Variants in ABTB2 observed in about 807,000 individuals in gnomAD.
The protein encoded by ABTB2 is ankyrin repeat and BTB/POZ domain-containing protein 2.
In ABTB2, 56 loss-of-function variants were observed where a neutral mutation model predicts 104.1. That is an observed-to-expected ratio of 0.54 (90% confidence interval 0.43 to 0.67). The LOEUF (loss-of-function observed/expected upper bound fraction) is 0.67, where lower values mean the gene tolerates loss of function less well. Ranked by LOEUF, ABTB2 falls within the 30% of genes least tolerant of loss-of-function variation. ABTB2 has a pLI of 0.00. For synonymous variants in ABTB2, 606 were observed against 608.2 expected, an observed-to-expected ratio of 1.00 and a Z score of 0.05; for missense variants, 1,279 against 1,407.7, an observed-to-expected ratio of 0.91 and a Z score of 1.46.
In ABTB2 at chr11:34,230,346, G is replaced by A. The variant is rs973519862; in HGVS notation, c.884-25656C>T. On this transcript the variant is annotated intron_variant, in intron 1 of 16. Coordinates refer to ENST00000435224, the MANE Select transcript of ABTB2 (RefSeq NM_145804.3). ...CAGCTCAGTGAGGGAGAATTTGAGG[G>A]TTGTACCTGGGTTTGAATGAGGGGT... 3.3e-5 allele frequency among the ~76,000 whole-genome samples: 5 copies of A among 152,304 alleles called. 1 individual carries two copies. In the South Asian group the frequency reaches 6.2e-4, roughly 19 times the overall value.
intron 1 of ABTB2, among the ~76,000 whole-genome samples, chr11:34,311,323 T>C (rs1854850547): frequency 6.6e-6 from 1 of 152,236 alleles, no homozygotes; most frequent in South Asian, 2.1e-4. Context: ...ATTTATCTGC[T>C]GGCAAGAAAT....
intron 1 of ABTB2, among the ~76,000 whole-genome samples, chr11:34,233,305 G>GAAATGGCA (rs1410344927): frequency 6.7e-6 from 1 of 148,494 alleles, no homozygotes; most frequent in Non-Finnish European, 1.5e-5. Context: ...AGGCAGAAGG[G>GAAATGGCA]AAATGGCATG....
At chr11:34,238,230 T>TC (rs1318672268) in intron 1 of ABTB2, among the ~76,000 whole-genome samples, 25 of 152,292 alleles carry the variant, frequency 1.6e-4, no homozygotes, top group Non-Finnish European at 2.4e-4. Flanking sequence ...AGTATTCCTT[T>TC]CCCCTGGCAT....
intron 1 of ABTB2, among the ~76,000 whole-genome samples, chr11:34,318,346 G>A (rs1391537223): frequency 6.6e-6 from 1 of 152,098 alleles, no homozygotes; most frequent in Non-Finnish European, 1.5e-5. Context: ...TCCCATTTAT[G>A]AGAACATGTG....
chr11:34,229,204 C>T (rs558881544), intron 1 of ABTB2, among the ~76,000 whole-genome samples: 10 of 151,298 alleles, frequency 6.6e-5, no homozygotes, highest in East Asian at 1.9e-4. Context: ...TTATTCTGGC[C>T]GGGTGCGGTG....
At chr11:34,172,390 A>AT (rs1565131571) in intron 4 of ABTB2, among the ~76,000 whole-genome samples, 16 of 53,356 alleles carry the variant, frequency 3.0e-4, no homozygotes, top group African/African-American at 6.5e-4. Context: ...AAAAAAAAAA[A>AT]AAAAAATATA....
At chr11:34,263,221 T>C (rs1854209311) in intron 1 of ABTB2, among the ~76,000 whole-genome samples, 1 of 151,956 alleles carries the variant, frequency 6.6e-6, no homozygotes, top group African/African-American at 2.4e-5. Context: ...GAGTGTTTGG[T>C]CTTACGTGTG....
intron 1 of ABTB2, among the ~76,000 whole-genome samples, chr11:34,213,657 C>T (rs1853513536): frequency 6.6e-6 from 1 of 152,170 alleles, no homozygotes; most frequent in African/African-American, 2.4e-5. Flanking sequence ...TGCTACATTG[C>T]TGTTTAATTT....
intron 1 of ABTB2, among the ~76,000 whole-genome samples, chr11:34,324,881 C>A (rs147897627): frequency 6.6e-6 from 1 of 152,232 alleles, no homozygotes; most frequent in African/African-American, 2.4e-5. Flanking sequence ...TACTGGAGTG[C>A]CCGTGGCAGA....
intron 1 of ABTB2, among the ~76,000 whole-genome samples, chr11:34,236,130 T>C (rs373489690): frequency 4.6e-5 from 7 of 152,216 alleles, no homozygotes; most frequent in East Asian, 1.9e-4. Flanking sequence ...ATATTCTTGT[T>C]GGCAGAGGGA....
At chr11:34,319,304 T>C (rs1225862797) in intron 1 of ABTB2, among the ~76,000 whole-genome samples, 2 of 152,240 alleles carry the variant, frequency 1.3e-5, no homozygotes, top group African/African-American at 4.8e-5. Flanking sequence ...CCCTTTGTGA[T>C]AAAGTCAGAA....
intron 1 of ABTB2, among the ~76,000 whole-genome samples, chr11:34,224,171 C>A (rs1472806640): frequency 6.6e-6 from 1 of 152,122 alleles, no homozygotes; most frequent in Non-Finnish European, 1.5e-5. Flanking sequence ...TGCCACCACA[C>A]CCAGCTAATT....
At position 34,216,532 on chromosome 11, in the gene ABTB2, C is replaced by T. The variant is rs111824954; in HGVS notation, c.884-11842G>A. 4.8e-3 allele frequency among the ~76,000 whole-genome samples: 735 copies of T among 152,252 alleles called. 2 individuals are homozygous for T. Among genetic ancestry groups the T allele is most frequent in the African/African-American group, 0.017 (694 of 41,544 alleles). ...TTGGGAGGCCGAGCCAGGCAGATCA[C>T]TTGAGGTCAGGAGTTCAAGAGCAGC... On this transcript the variant is annotated intron_variant, in intron 1 of 16. Transcript: ENST00000435224.
At chr11:34,173,025 G>A in intron 4 of ABTB2, 130 bp downstream of exon 4, 1 of 1,201,702 alleles carries the variant, frequency 8.3e-7, no homozygotes, top group Non-Finnish European at 1.2e-6. Context: ...GACACCCTTA[G>A]AACAGCTCAA....
intron 1 of ABTB2, among the ~76,000 whole-genome samples, chr11:34,239,336 T>C (rs531139709): frequency 6.6e-6 from 1 of 152,216 alleles, no homozygotes; most frequent in South Asian, 2.1e-4. Flanking sequence ...GATGCTGCTG[T>C]CTTTTTTTAA....
intron 1 of ABTB2, among the ~76,000 whole-genome samples, chr11:34,246,515 C>T (rs995782778): frequency 1.1e-4 from 15 of 136,568 alleles, no homozygotes; most frequent in Admixed American, 3.2e-4. Context: ...GCAGGAGAAT[C>T]GCTTGAACCC....
At chr11:34,188,812 T>C (rs1853136164) in intron 3 of ABTB2, among the ~76,000 whole-genome samples, 2 of 152,230 alleles carry the variant, frequency 1.3e-5, no homozygotes, top group Admixed American at 6.5e-5. Flanking sequence ...ACACACAGCC[T>C]ATCTGTGGGC....
At chr11:34,327,590 A>T (rs1855085704) in intron 1 of ABTB2, among the ~76,000 whole-genome samples, 1 of 152,164 alleles carries the variant, frequency 6.6e-6, no homozygotes, top group South Asian at 2.1e-4. Context: ...CTTGTTGGAA[A>T]AAGTCATCCT....
In ABTB2 at chr11:34,262,280, G is replaced by A. The variant is rs1453255003; in HGVS notation, c.884-57590C>T. Among the ~76,000 whole-genome samples, 3 of 152,164 alleles carry A rather than the reference G, an allele frequency of 2.0e-5. No homozygotes were observed. The East Asian group carries it at 5.8e-4, about 29-fold the overall frequency. On this transcript the variant is annotated intron_variant, in intron 1 of 16. Coordinates refer to ENST00000435224, the MANE Select transcript of ABTB2 (RefSeq NM_145804.3). ...TTTTGTCATCTGTTTTTGGCAGCTA[G>A]TATTCCTTTAGCAATTTAAGGGGCT... is the stretch of plus-strand genomic sequence containing the variant.
Sources: allele counts gnomAD v4.1 joint callset (sites outside exome capture counted in the v4.1 genomes callset), GRCh38; gene constraint gnomAD v4.1.1; transcripts MANE v1.5; gene names NCBI Gene and HGNC (gene_info 2026-07-23, HGNC 2026-07-21).